Variants in DLGAP4 observed in about 807,000 individuals in gnomAD.
The protein encoded by DLGAP4 is disks large-associated protein 4.
In DLGAP4, 18 loss-of-function variants were observed where a neutral mutation model predicts 86.9. The observed-to-expected ratio is 0.21, with a 90% confidence interval of 0.14 to 0.31. The LOEUF is 0.31. Among genes scored for constraint, DLGAP4 ranks in the 10% least tolerant of loss-of-function variants. The pLI, the probability that DLGAP4 is intolerant of heterozygous loss-of-function variation, is 1.00. For synonymous variants in DLGAP4, 548 were observed against 574.3 expected (o/e 0.95, Z 0.65); for missense variants, 1,085 against 1,362.6 (o/e 0.80, Z 3.21).
At chr20:36,392,924 T>C (rs2031830560) in intron 2 of DLGAP4, among the ~76,000 whole-genome samples, 1 of 151,902 alleles carries the variant, frequency 6.6e-6, no homozygotes, top group South Asian at 2.1e-4. Flanking sequence ...GGCTGAGCCC[T>C]GAATGAATCA....
chr20:36,505,442 G>C (rs1432448493), intron 10 of DLGAP4, among the ~76,000 whole-genome samples: 1 of 152,040 alleles, frequency 6.6e-6, no homozygotes, highest in Non-Finnish European at 1.5e-5. Flanking sequence ...TGTGGGTAGG[G>C]CTTGTTTTAA....
At chr20:36,460,092 G>C (rs909755650) in intron 7 of DLGAP4, among the ~76,000 whole-genome samples, 1 of 152,226 alleles carries the variant, frequency 6.6e-6, no homozygotes, top group South Asian at 2.1e-4. Flanking sequence ...ATTTGGGAGG[G>C]TGGAAGTGGA....
chr20:36,402,980 A>G (rs2032207420), intron 2 of DLGAP4, among the ~76,000 whole-genome samples: 1 of 152,216 alleles, frequency 6.6e-6, no homozygotes, highest in African/African-American at 2.4e-5. Flanking sequence ...AGAGCACAGA[A>G]TGAGTAGAAA....
intron 7 of DLGAP4, among the ~76,000 whole-genome samples, chr20:36,493,540 G>T (rs113073888): frequency 6.6e-6 from 1 of 152,146 alleles, no homozygotes; most frequent in Non-Finnish European, 1.5e-5. Context: ...TGCCTCCGTC[G>T]AGGCCCTTTC....
Position 36,432,403 on chromosome 20 carries a change from C to A in DLGAP4, c.686C>A (p.Thr229Lys). The A allele has an allele frequency of 6.2e-7, 1 of 1,613,738 alleles. No individual in the cohort carries two copies. Among genetic ancestry groups the A allele is most frequent in the African/African-American group, 1.3e-5 (1 of 75,074 alleles). ...RSSGPASGLM[T>K]LGRQAERSQP... Reference sequence around the variant, plus strand: ...AGTGGCCCAGCCTCTGGGCTGATGACACTAGGCCGCCAGGCAGAACGCAGC... The same window carrying A: ...AGTGGCCCAGCCTCTGGGCTGATGAAACTAGGCCGCCAGGCAGAACGCAGC... Residue 229 changes from threonine (T) to lysine (K), a missense_variant, in exon 3 of 13, where the codon ACA (threonine) becomes AAA (lysine). By Grantham distance (78) the Thr-to-Lys change is moderately conservative. Around this residue, in one of 2 missense-constraint regions of DLGAP4, gnomAD observed 1,082 missense variants for 1,344.1 expected, o/e 0.81. Transcript: ENST00000339266. This position sits in a 1 kb window ranked among gnomAD's most constrained non-coding sequence, Gnocchi z 6.5.
In DLGAP4 at chr20:36,381,177, C is replaced by A. The variant is rs1225043771; in HGVS notation, c.-73+13902C>A. 5.3e-5 allele frequency among the ~76,000 whole-genome samples: 8 copies of A among 152,238 alleles called. 1 individual carries two copies. The South Asian group carries it at 8.3e-4, about 16-fold the overall frequency. ...ACCTACATGTATTCATTCATTCATT[C>A]AGCAAGCAAGCAAGCATATATTGTG... On this transcript the variant is annotated intron_variant, in intron 2 of 12. Transcript: ENST00000339266.
intron 7 of DLGAP4, among the ~76,000 whole-genome samples, chr20:36,486,332 T>C (rs2035409958): frequency 6.6e-6 from 1 of 152,112 alleles, no homozygotes; most frequent in Non-Finnish European, 1.5e-5. Context: ...CCTTAAAGAA[T>C]AATAGCTTTA....
chr20:36,339,174 G>T (rs1368945670), intron 1 of DLGAP4, among the ~76,000 whole-genome samples: 1 of 150,614 alleles, frequency 6.6e-6, no homozygotes, highest in Non-Finnish European at 1.5e-5. Flanking sequence ...CTGCAACTCT[G>T]CCTCCTGGGT....
intron 1 of DLGAP4, among the ~76,000 whole-genome samples, chr20:36,320,744 AG>A (rs1233098700): frequency 2.0e-5 from 3 of 152,114 alleles, no homozygotes; most frequent in African/African-American, 7.2e-5. Flanking sequence ...TGACTGGGTG[AG>A]GGGGACACTG....
intron 1 of DLGAP4, among the ~76,000 whole-genome samples, chr20:36,344,427 T>C (rs1273131131): frequency 6.6e-6 from 1 of 152,200 alleles, no homozygotes. Context: ...TGATGCTTAC[T>C]GGGCCCCTCC....
chr20:36,417,822 T>C (rs1344464261), intron 2 of DLGAP4, among the ~76,000 whole-genome samples: 1 of 151,960 alleles, frequency 6.6e-6, no homozygotes, highest in Non-Finnish European at 1.5e-5. Context: ...TTTGCTGTTG[T>C]CACCCAGGTT....
chr20:36,335,679 G>A (rs904820615), intron 1 of DLGAP4, among the ~76,000 whole-genome samples: 5 of 152,156 alleles, frequency 3.3e-5, no homozygotes, highest in African/African-American at 4.8e-5. Flanking sequence ...GTTCCCGAAC[G>A]TGCAGGAGGT....
chr20:36,439,344 T>C (rs2033378536), intron 4 of DLGAP4, among the ~76,000 whole-genome samples: 1 of 152,156 alleles, frequency 6.6e-6, no homozygotes. Flanking sequence ...GATGCTTGGA[T>C]TTTATCCCCA....
chr20:36,490,550 T>C (rs889394097), intron 7 of DLGAP4, among the ~76,000 whole-genome samples: 1 of 152,024 alleles, frequency 6.6e-6, no homozygotes. Context: ...GTTAAGGGAG[T>C]CTGCCTTTCT....
intron 10 of DLGAP4, among the ~76,000 whole-genome samples, chr20:36,513,315 G>A (rs548271754): frequency 4.4e-4 from 66 of 151,538 alleles, no homozygotes; most frequent in Admixed American, 1.1e-3. Context: ...TTGGGAGGCC[G>A]AGGCGGGTGG....
chr20:36,499,083 C>A (rs1419772516), intron 8 of DLGAP4: 2 of 706,266 alleles, frequency 2.8e-6, no homozygotes, highest in Admixed American at 2.9e-5. Flanking sequence ...CTCTGGCCTG[C>A]CCTCCAGGTT....
At chr20:36,469,381 C>G (rs1279644288) in intron 7 of DLGAP4, among the ~76,000 whole-genome samples, 2 of 152,106 alleles carry the variant, frequency 1.3e-5, no homozygotes, top group African/African-American at 4.8e-5. Flanking sequence ...TAGACTGTTG[C>G]AGCCCGTGAG....
At chr20:36,404,636 A>G (rs2032260098) in intron 2 of DLGAP4, among the ~76,000 whole-genome samples, 1 of 152,192 alleles carries the variant, frequency 6.6e-6, no homozygotes, top group Admixed American at 6.5e-5. Context: ...AGCAGAGAGG[A>G]TGGGCATGCA....
chr20:36,361,480 G>A (rs1224130879), intron 1 of DLGAP4, among the ~76,000 whole-genome samples: 1 of 152,172 alleles, frequency 6.6e-6, no homozygotes, highest in Non-Finnish European at 1.5e-5. Flanking sequence ...GGCTTGCAGA[G>A]TGAGGCGTTC....
Sources: allele counts gnomAD v4.1 joint callset (sites outside exome capture counted in the v4.1 genomes callset), GRCh38; gene constraint gnomAD v4.1.1; regional missense constraint gnomAD v4.1.1; non-coding constraint Gnocchi (gnomAD v3.1); transcripts MANE v1.5; gene names NCBI Gene and HGNC (gene_info 2026-07-23, HGNC 2026-07-21).